The following HIVEP3 variants were observed in gnomAD, a reference collection of about 807,000 sequenced individuals.
The protein encoded by HIVEP3 is transcription factor HIVEP3.
HIVEP3 carries 49 observed loss-of-function variants against 152.8 expected under a neutral mutation model. That is an observed-to-expected ratio of 0.32 (90% CI 0.26 to 0.41). The LOEUF is 0.41. Ranked by LOEUF, HIVEP3 falls within the 10% of genes least tolerant of loss-of-function variation. The pLI, the probability that HIVEP3 is intolerant of heterozygous loss-of-function variation, is 1.00. For missense variants in HIVEP3, 2,790 were observed against 3,103.3 expected (o/e 0.90, Z 2.40); for synonymous variants, 1,269 against 1,289.0 (o/e 0.98, Z 0.33).
At chr1:41,792,209 A>T (rs781697537) in intron 1 of HIVEP3, among the ~76,000 whole-genome samples, 14 of 152,212 alleles carry the variant, frequency 9.2e-5, no homozygotes, top group Non-Finnish European at 1.5e-4. Context: ...CACTGAGCAC[A>T]AGTAAAGTTG....
chr1:41,950,074 G>A (rs189779137), intron 1 of HIVEP3, among the ~76,000 whole-genome samples: 11 of 152,186 alleles, frequency 7.2e-5, no homozygotes, highest in South Asian at 2.1e-4. Context: ...CTTTAAACAC[G>A]GGGCTTGCAA....
intron 1 of HIVEP3, among the ~76,000 whole-genome samples, chr1:41,993,342 C>T (rs368249756): frequency 1.3e-4 from 20 of 150,340 alleles, no homozygotes; most frequent in East Asian, 2.0e-4. Flanking sequence ...GGGCAAAGGA[C>T]ATGAACAGAC....
At chr1:42,035,364 C>A (rs1006588201) in intron 1 of HIVEP3, among the ~76,000 whole-genome samples, 2 of 152,210 alleles carry the variant, frequency 1.3e-5, no homozygotes, top group South Asian at 4.1e-4. Context: ...GCTGGCAAGG[C>A]GCATCCTCGC....
At chr1:41,804,230 C>T (rs909545998) in intron 1 of HIVEP3, among the ~76,000 whole-genome samples, 3 of 152,180 alleles carry the variant, frequency 2.0e-5, no homozygotes, top group African/African-American at 7.2e-5. Flanking sequence ...GCTTCCCTCC[C>T]CAGTGGTCCC....
rs1644433037 is a variant in HIVEP3, at chr1:41,510,458, T to C, written c.7214A>G (p.Asn2405Ser). The C allele has an allele frequency of 6.7e-7, 1 of 1,495,148 alleles. No individual in the cohort carries two copies. The highest frequency in any genetic ancestry group is 8.9e-7 in the Non-Finnish European group (1 of 1,120,230). The allele number at this position is 1,495,148 out of a possible 1,614,324, so 92.6% of individuals were successfully genotyped here. ...GAAGCAGTTGGAGAGAGGCTAAGCG[T>C]TGGGGGGAACCCTGTCCTCAGGCTG... ...PHQPEDRVPP[N>S]A The change falls in exon 9 of 9, where the codon AAC (asparagine) becomes AGC (serine). Residue 2405 changes from asparagine (N) to serine (S), a missense_variant. By Grantham distance (46) the Asn-to-Ser change is conservative. Coordinates refer to ENST00000372583, the MANE Select transcript of HIVEP3 (RefSeq NM_024503.5).
In HIVEP3 at chr1:41,722,106, C is replaced by G. The variant is rs562916131; in HGVS notation, c.-800-21111G>C. ...CCCTGCCCCTGGGATCTCTACCTCC[C>G]CACCTGACCCTAGTAGGGTCTTCTT... On this transcript the variant is annotated intron_variant, in intron 1 of 8. Transcript: ENST00000372583. Among the ~76,000 whole-genome samples the G allele has an allele frequency of 3.3e-5, 5 of 152,198 alleles. No individual in the cohort carries two copies. In the South Asian group the frequency reaches 6.2e-4, roughly 19 times the overall value.
chr1:41,599,550 C>G (rs930138012), intron 3 of HIVEP3, among the ~76,000 whole-genome samples: 4 of 152,098 alleles, frequency 2.6e-5, no homozygotes, highest in African/African-American at 9.7e-5. Context: ...AAGAAAAAGG[C>G]AGTCAACGCA....
chr1:41,654,728 T>A (rs1176769807), intron 2 of HIVEP3, among the ~76,000 whole-genome samples: 2 of 152,252 alleles, frequency 1.3e-5, no homozygotes, highest in East Asian at 3.9e-4. Flanking sequence ...CATCTGTGGA[T>A]TTATTATTGT....
At chr1:41,527,515 CCGCCCTCACA>C (rs2149056965) in intron 5 of HIVEP3, among the ~76,000 whole-genome samples, 1 of 137,828 alleles carries the variant, frequency 7.3e-6, no homozygotes, top group African/African-American at 2.7e-5. Context: ...TCACACACCC[CCGCCCTCACA>C]TGCTCACCCT....
rs374839144 is a variant in HIVEP3 at position 41,655,579 on chromosome 1, T to C, written c.-720-26632A>G. The stretch of plus-strand genomic sequence containing the variant: ...GCCTGAGTGACAGAGTGACACTCCA[T>C]CTCAAAAAAAAAAAAAAAAAAAAAA... On this transcript the variant is annotated intron_variant, in intron 2 of 8. Transcript: ENST00000372583. Among the ~76,000 whole-genome samples, 20 of 66,576 alleles carry C rather than the reference T, an allele frequency of 3.0e-4. 1 individual carries two copies. Among genetic ancestry groups the C allele is most frequent in the African/African-American group, 1.8e-3 (20 of 11,072 alleles). The allele number at this position is 66,576 out of a possible 152,430, so 43.7% of individuals were successfully genotyped here.
At chr1:41,770,572 T>C (rs1648290247) in intron 1 of HIVEP3, among the ~76,000 whole-genome samples, 1 of 152,148 alleles carries the variant, frequency 6.6e-6, no homozygotes, top group Non-Finnish European at 1.5e-5. Flanking sequence ...CCCAATATAA[T>C]GCAATGAGAA....
rs80262118 is a variant in HIVEP3, at chr1:41,873,635, A to G, written c.-801+44778T>C. The stretch of plus-strand genomic sequence containing the variant: ...ATTCTCGCTGACTTGTGTTTTTCAC[A>G]CTGGCTTTATCTTGGTTTCTGAGGG... On this transcript the variant is annotated intron_variant, in intron 1 of 8. Coordinates refer to ENST00000372583, the MANE Select transcript of HIVEP3 (RefSeq NM_024503.5). This position sits in a 1 kb window ranked among gnomAD's most constrained non-coding sequence, Gnocchi z 4.2. 2.8e-4 allele frequency among the ~76,000 whole-genome samples: 43 copies of G among 152,328 alleles called. 1 individual carries two copies. The East Asian group carries it at 7.7e-3, about 27-fold the overall frequency.
intron 2 of HIVEP3, among the ~76,000 whole-genome samples, chr1:41,654,877 A>T (rs1369548094): frequency 5.3e-5 from 8 of 152,042 alleles, no homozygotes; most frequent in Admixed American, 5.2e-4. Context: ...TCTGCCCCTC[A>T]TTTCTGACAC....
intron 1 of HIVEP3, among the ~76,000 whole-genome samples, chr1:41,888,246 G>T (rs1459143255): frequency 2.1e-5 from 3 of 142,084 alleles, no homozygotes; most frequent in Middle Eastern, 3.7e-3. Context: ...TAGAGATGGG[G>T]TTTCAACATG....
At chr1:41,676,072 G>A (rs76057771) in intron 2 of HIVEP3, among the ~76,000 whole-genome samples, 2,795 of 143,852 alleles carry the variant, frequency 0.019, 42 homozygotes, top group Non-Finnish European at 0.029. Context: ...TTTTTTTTTT[G>A]ACGGAGTCTT....
At chr1:41,786,877 C>T (rs550002593) in intron 1 of HIVEP3, among the ~76,000 whole-genome samples, 53 of 151,810 alleles carry the variant, frequency 3.5e-4, no homozygotes, top group African/African-American at 1.1e-3. Context: ...TCAGACTCCC[C>T]GGTAGCTAGG....
intron 3 of HIVEP3, among the ~76,000 whole-genome samples, chr1:41,594,645 G>A (rs925902022): frequency 3.9e-5 from 6 of 152,118 alleles, no homozygotes; most frequent in Non-Finnish European, 8.8e-5. Context: ...TTTTGATATT[G>A]AAGCTATTGA....
At chr1:41,778,673 C>T (rs1046148477) in intron 1 of HIVEP3, among the ~76,000 whole-genome samples, 1 of 152,204 alleles carries the variant, frequency 6.6e-6, no homozygotes, top group Non-Finnish European at 1.5e-5. Flanking sequence ...GAGCCAGGTA[C>T]TGTCCTGGTG....
intron 1 of HIVEP3, among the ~76,000 whole-genome samples, chr1:41,791,514 T>C (rs536305786): frequency 1.3e-5 from 2 of 152,290 alleles, no homozygotes; most frequent in African/African-American, 2.4e-5. Flanking sequence ...ATGGATGTGA[T>C]GGCTGGTGCT....
Sources: gnomAD v4.1 joint callset for allele counts (sites outside exome capture counted in the v4.1 genomes callset) on GRCh38, gnomAD v4.1.1 for gene constraint, Gnocchi (gnomAD v3.1) non-coding constraint, MANE v1.5 for transcripts, NCBI Gene and HGNC (gene_info 2026-07-23, HGNC 2026-07-21) for gene names.